The following ZNF723 variants were observed in gnomAD, a reference collection of about 807,000 sequenced individuals.
ZNF723 encodes zinc finger protein 723.
ZNF723 carries 5 observed loss-of-function variants against 9.4 expected under a neutral mutation model. That is an observed-to-expected ratio of 0.53 (90% CI 0.28 to 1.12). ZNF723 has a LOEUF of 1.12. Ranked by LOEUF, ZNF723 falls within the 50% of genes most tolerant of loss-of-function variation. The pLI, the probability that ZNF723 is intolerant of heterozygous loss-of-function variation, is 0.10. For synonymous variants in ZNF723, 158 were observed against 168.8 expected (o/e 0.94, Z 0.49); for missense variants, 450 against 501.5 (o/e 0.90, Z 0.98).
intron 1 of ZNF723, among the ~76,000 whole-genome samples, chr19:22,834,152 GTGATC>G (rs1407303217): frequency 6.6e-5 from 10 of 152,100 alleles, no homozygotes; most frequent in African/African-American, 2.4e-4. Flanking sequence ...CTGACTTCAG[GTGATC>G]TGCCCGCCTT....
chr19:22,849,946 CTG>C (rs1213945504), intron 3 of ZNF723, among the ~76,000 whole-genome samples: 1 of 152,040 alleles, frequency 6.6e-6, no homozygotes, highest in African/African-American at 2.4e-5. Flanking sequence ...CTATGTTAAA[CTG>C]TTTTTCATGT....
intron 1 of ZNF723, among the ~76,000 whole-genome samples, chr19:22,842,065 C>T (rs1462341180): frequency 2.6e-5 from 4 of 152,118 alleles, no homozygotes; most frequent in South Asian, 2.1e-4. Context: ...AGTGCAGTGA[C>T]GCAATCTTTG....
intron 3 of ZNF723, among the ~76,000 whole-genome samples, chr19:22,856,907 C>T (rs1211037488): frequency 6.6e-5 from 10 of 152,146 alleles, no homozygotes; most frequent in East Asian, 5.8e-4. Flanking sequence ...CTCTTTGTGG[C>T]ACTGCACATA....
intron 3 of ZNF723, among the ~76,000 whole-genome samples, chr19:22,853,432 T>G (rs1967425749): frequency 6.6e-6 from 1 of 152,166 alleles, no homozygotes; most frequent in African/African-American, 2.4e-5. Flanking sequence ...TATTAATTAT[T>G]TCAGTTTTTG....
chr19:22,849,423 TA>T, intron 3 of ZNF723, 130 bp downstream of exon 3: 2 of 436,162 alleles, frequency 4.6e-6, no homozygotes, highest in Non-Finnish European at 8.4e-6. Context: ...CCTGAGAGTT[TA>T]AAAAATTTTA....
At chr19:22,839,932 G>A (rs994911132) in intron 1 of ZNF723, among the ~76,000 whole-genome samples, 37 of 151,806 alleles carry the variant, frequency 2.4e-4, no homozygotes, top group Non-Finnish European at 1.2e-4. Flanking sequence ...AAAAGCATCC[G>A]TTCATCTTCT....
chr19:22,854,300 T>C (rs1967440307), intron 3 of ZNF723, among the ~76,000 whole-genome samples: 1 of 152,110 alleles, frequency 6.6e-6, no homozygotes, highest in Non-Finnish European at 1.5e-5. Context: ...TTATGTAATA[T>C]TATTTTGATC....
At chr19:22,839,007 A>G (rs1967204373) in intron 1 of ZNF723, among the ~76,000 whole-genome samples, 1 of 152,148 alleles carries the variant, frequency 6.6e-6, no homozygotes, top group Non-Finnish European at 1.5e-5. Context: ...TCGGCCTCCC[A>G]AAATGCTGGG....
At chr19:22,823,724 A>G in the ZNF723 span, among the ~76,000 whole-genome samples, 1 of 152,344 alleles carries the variant, frequency 6.6e-6, no homozygotes, top group Non-Finnish European at 1.5e-5. Flanking sequence ...GCCAAGCACC[A>G]AGGTAATATG....
At chr19:22,818,597 C>G in the ZNF723 span, among the ~76,000 whole-genome samples, 1 of 152,134 alleles carries the variant, frequency 6.6e-6, no homozygotes, top group African/African-American at 2.4e-5. Flanking sequence ...TATCTAAATC[C>G]AGGACATTTG....
At chr19:22,823,438 G>A in the ZNF723 span, among the ~76,000 whole-genome samples, 2 of 152,270 alleles carry the variant, frequency 1.3e-5, no homozygotes, top group African/African-American at 2.4e-5. Flanking sequence ...TCAACACACC[G>A]GTGAGGCTGT....
At chr19:22,821,430 C>T in the ZNF723 span, among the ~76,000 whole-genome samples, 1 of 152,210 alleles carries the variant, frequency 6.6e-6, no homozygotes, top group East Asian at 1.9e-4. Flanking sequence ...TGCCTGGGCC[C>T]TTTACACAGG....
At chr19:22,820,744 G>T in the ZNF723 span, among the ~76,000 whole-genome samples, 1 of 152,124 alleles carries the variant, frequency 6.6e-6, no homozygotes, top group African/African-American at 2.4e-5. Flanking sequence ...TCATCATATG[G>T]TCCAGCACGG....
intron 3 of ZNF723, among the ~76,000 whole-genome samples, chr19:22,851,922 G>A (rs529865781): frequency 1.3e-5 from 2 of 152,232 alleles, no homozygotes; most frequent in African/African-American, 2.4e-5. Flanking sequence ...GAATAGCTGG[G>A]ATTGCAGGCA....
At chr19:22,821,464 T>G in the ZNF723 span, among the ~76,000 whole-genome samples, 1 of 152,136 alleles carries the variant, frequency 6.6e-6, no homozygotes, top group Non-Finnish European at 1.5e-5. Context: ...TATTGCTGTG[T>G]CCTGCATGCA....
the ZNF723 span, among the ~76,000 whole-genome samples, chr19:22,815,928 G>A: frequency 3.9e-5 from 6 of 152,320 alleles, no homozygotes; most frequent in East Asian, 5.8e-4. Context: ...AATTTCACAC[G>A]TTGACACAGC....
chr19:22,837,288 A>G (rs570825733), intron 1 of ZNF723, among the ~76,000 whole-genome samples: 1,618 of 151,468 alleles, frequency 0.011, 29 homozygotes, highest in African/African-American at 0.037. Context: ...AAAAAAAAAA[A>G]AAAGAAAGAA....
intron 1 of ZNF723, chr19:22,840,971 A>G (rs1599474126): frequency 6.6e-6 from 1 of 152,272 alleles, no homozygotes; most frequent in East Asian, 1.9e-4. Context: ...ATTGGGGTTC[A>G]TGTAAGATGT....
intron 3 of ZNF723, among the ~76,000 whole-genome samples, chr19:22,849,640 G>A (rs1967365289): frequency 6.6e-6 from 1 of 152,136 alleles, no homozygotes; most frequent in African/African-American, 2.4e-5. Context: ...CTGGGCAAAT[G>A]TCTCACACCA....
Sources: allele counts gnomAD v4.1 joint callset (sites outside exome capture counted in the v4.1 genomes callset), GRCh38; gene constraint gnomAD v4.1.1; transcripts MANE v1.5; gene names NCBI Gene and HGNC (gene_info 2026-07-23, HGNC 2026-07-21).